SLC6A19: variants seen among roughly 807,000 people sequenced by gnomAD.
SLC6A19 encodes the protein solute carrier family 6 member 19, also known as sodium-dependent neutral amino acid transporter B(0)AT1.
Under a neutral mutation model 68.3 loss-of-function variants are expected in SLC6A19, and 67 were observed. That is an observed-to-expected ratio of 0.98 (90% CI 0.81 to 1.20). The LOEUF is 1.20. SLC6A19 is among the 50% of genes most tolerant of loss of function. The probability of loss-of-function intolerance (pLI) is 0.00; values close to 1 mark genes in which losing one functional copy is unlikely to be tolerated. For synonymous variants in SLC6A19, 392 were observed against 374.9 expected (o/e 1.05, Z -0.53); for missense variants, 813 against 851.6 (o/e 0.95, Z 0.56).
intron 1 of SLC6A19, among the ~76,000 whole-genome samples, chr5:1,204,106 G>A (rs1313028861): frequency 2.0e-5 from 3 of 152,222 alleles, no homozygotes; most frequent in Non-Finnish European, 2.9e-5. Context: ...TTTCCTAATT[G>A]ATGCGGGTCA....
intron 1 of SLC6A19, 139 bp downstream of exon 1, chr5:1,201,991 G>A: frequency 8.1e-7 from 1 of 1,227,902 alleles, no homozygotes; most frequent in Non-Finnish European, 1.1e-6. Context: ...AGGGTGTGGG[G>A]GGAGCTGGGG....
intron 1 of SLC6A19, among the ~76,000 whole-genome samples, chr5:1,202,389 C>T (rs1418758422): frequency 6.6e-6 from 1 of 152,160 alleles, no homozygotes; most frequent in Non-Finnish European, 1.5e-5. Context: ...AGCCGCTGTG[C>T]CCACCCAACA....
chr5:1,213,400 C>A (rs1409937951), intron 4 of SLC6A19, 63 bp from the exon 5 acceptor site: 1 of 733,498 alleles, frequency 1.4e-6, no homozygotes, highest in South Asian at 1.5e-5. Flanking sequence ...CCCCACGTGC[C>A]GCCCCCACCG....
intron 1 of SLC6A19, among the ~76,000 whole-genome samples, chr5:1,202,697 C>G (rs1745744626): frequency 6.6e-6 from 1 of 152,020 alleles, no homozygotes; most frequent in Admixed American, 6.5e-5. Flanking sequence ...CACGGGGGGG[C>G]CGTGAAGGTC....
At chr5:1,211,943 A>C (rs1746047034) in intron 3 of SLC6A19, among the ~76,000 whole-genome samples, 2 of 142,744 alleles carry the variant, frequency 1.4e-5, no homozygotes, top group Non-Finnish European at 3.0e-5. Flanking sequence ...ATGTGTGTGC[A>C]TGTGAGCATG....
rs775817680 is a variant in SLC6A19 at position 1,201,882 on chromosome 5, G to A, written c.202+30G>A. On this transcript the variant is annotated intron_variant, in intron 1 of 11. Coordinates refer to ENST00000304460, the MANE Select transcript of SLC6A19 (RefSeq NM_001003841.3). ...GCTGGCCGGGCGGGGCTGCGGGCGA[G>A]GCCGTGGCCAGGGAAGCACAGACAC... is the stretch of plus-strand genomic sequence containing the variant. 14 of 1,599,360 alleles carry A rather than the reference G, an allele frequency of 8.8e-6. 1 individual carries two copies. The East Asian group carries it at 3.1e-4, about 36-fold the overall frequency.
chr5:1,213,990 C>A lies in SLC6A19; in HGVS notation c.812C>A (p.Ala271Glu). The change falls in exon 6 of 12, where the codon GCG becomes GAG. Residue 271 changes from alanine (A) to glutamate (E), a missense_variant. By Grantham distance (107) the Ala-to-Glu change is moderately radical. Coordinates refer to ENST00000304460, the MANE Select transcript of SLC6A19 (RefSeq NM_001003841.3). Reference protein sequence around the residue: ...ELAQPDTWLDAGAQVFFSFSL... With the variant: ...ELAQPDTWLDEGAQVFFSFSL... ...GCCCAGCCGGACACCTGGCTGGACG[C>A]GGGCGCACAGGTCTTCTTCTCCTTC... 6.2e-7 allele frequency: 1 copy of A among 1,613,572 alleles called. No individual in the cohort carries two copies. Among genetic ancestry groups the A allele is most frequent in the African/African-American group, 1.3e-5 (1 of 75,054 alleles).
At chr5:1,210,024 C>T (rs1016782895) in intron 2 of SLC6A19, among the ~76,000 whole-genome samples, 4 of 152,232 alleles carry the variant, frequency 2.6e-5, no homozygotes, top group African/African-American at 9.6e-5. Flanking sequence ...GGGGGCTTCC[C>T]GGTTTGGGTC....
At chr5:1,207,624 C>A (rs891366987) in intron 1 of SLC6A19, among the ~76,000 whole-genome samples, 1 of 152,228 alleles carries the variant, frequency 6.6e-6, no homozygotes, top group African/African-American at 2.4e-5. Flanking sequence ...ATGGCAGGAG[C>A]CACTCGGCTT....
At chr5:1,221,673 C>T (rs1746384642) in intron 11 of SLC6A19, 28 bp from the exon 12 acceptor site, 1 of 1,613,292 alleles carries the variant, frequency 6.2e-7, no homozygotes, top group Non-Finnish European at 8.5e-7. Context: ...CCCGGGATGC[C>T]TACTCACCCA....
Position 1,208,857 on chromosome 5 carries a change from G to A in SLC6A19, c.314G>A (p.Ser105Asn). The stretch of plus-strand genomic sequence containing the variant: ...CGGCGGGGCAGCCTGGGTGTGTGGA[G>A]CTCCATCCACCCGGCCCTGAAGGGC... ...RLRRGSLGVW[S>N]SIHPALKGLG... is the part of the protein sequence containing the mutation. The change falls in exon 2 of 12, where the codon AGC becomes AAC. Residue 105 changes from serine to asparagine, a missense_variant. Ser to Asn is a conservative substitution (Grantham distance 46). Transcript: ENST00000304460. 6.2e-7 allele frequency: 1 copy of A among 1,612,676 alleles called. No homozygotes were observed. The highest frequency in any genetic ancestry group is 8.5e-7 in the Non-Finnish European group (1 of 1,179,934).
In SLC6A19 at chr5:1,212,589, C is replaced by A. The variant is rs952528065; in HGVS notation, c.663+105C>A. 1 of 1,427,096 alleles carries A rather than the reference C, an allele frequency of 7.0e-7. No individual in the cohort carries two copies. Among genetic ancestry groups the A allele is most frequent in the Non-Finnish European group, 9.6e-7 (1 of 1,036,946 alleles). 88.4% of individuals were successfully genotyped at this position (1,427,096 alleles called of 1,614,324 possible). A position where few individuals can be genotyped will look rare whatever the true frequency, so the allele number is the denominator to read the frequency against. ...AAAACCCAGGTCTGGGGGTCCCGGG[C>A]TCTGCCTTTCCCCAGACCCCACCAA... On this transcript the variant is annotated intron_variant, in intron 4 of 11. Coordinates refer to ENST00000304460, the MANE Select transcript of SLC6A19 (RefSeq NM_001003841.3). The surrounding 1 kb of genome is among the most constrained non-coding windows in gnomAD (Gnocchi z 5.1).
chr5:1,218,846 G>C, intron 8 of SLC6A19, 57 bp from the exon 9 acceptor site: 1 of 1,585,286 alleles, frequency 6.3e-7, no homozygotes, highest in Admixed American at 1.7e-5. Flanking sequence ...CTCGGGCGGG[G>C]AGGAGACGGA....
At position 1,224,203 on chromosome 5, in the gene SLC6A19, T is replaced by C. The variant is rs1030451425; in HGVS notation, c.*2299T>C. On this transcript the variant is annotated 3_prime_UTR_variant, in exon 12 of 12. Coordinates refer to ENST00000304460, the MANE Select transcript of SLC6A19 (RefSeq NM_001003841.3). Reference sequence around the variant, plus strand: ...AGGTGTGCACTGATGTGCCCTGGCATCCATTGGTGTACCCTGGTGTGCCTG... The same window carrying C: ...AGGTGTGCACTGATGTGCCCTGGCACCCATTGGTGTACCCTGGTGTGCCTG... 1 of 152,240 alleles carries C rather than the reference T, an allele frequency of 6.6e-6. No individual in the cohort carries two copies. The highest frequency in any genetic ancestry group is 6.5e-5 in the Admixed American group (1 of 15,290). 9.4% of individuals were successfully genotyped at this position (152,240 alleles called of 1,614,324 possible).
At chr5:1,218,573 G>T (rs1746269674) in intron 8 of SLC6A19, among the ~76,000 whole-genome samples, 1 of 152,206 alleles carries the variant, frequency 6.6e-6, no homozygotes, top group African/African-American at 2.4e-5. Context: ...GGTGACTCGC[G>T]TAACACCTTG....
At chr5:1,207,140 T>G (rs1745877623) in intron 1 of SLC6A19, among the ~76,000 whole-genome samples, 1 of 152,216 alleles carries the variant, frequency 6.6e-6, no homozygotes, top group Non-Finnish European at 1.5e-5. Flanking sequence ...TGCACTCACC[T>G]CTGCTGTTCC....
chr5:1,206,476 A>T (rs963054754), intron 1 of SLC6A19, among the ~76,000 whole-genome samples: 6 of 150,428 alleles, frequency 4.0e-5, no homozygotes, highest in African/African-American at 1.5e-4. Flanking sequence ...TCCCCTGAGG[A>T]TGGTAGTTTG....
chr5:1,211,808 T>G (rs1054517715), intron 3 of SLC6A19, among the ~76,000 whole-genome samples: 1 of 150,582 alleles, frequency 6.6e-6, no homozygotes, highest in Non-Finnish European at 1.5e-5. Flanking sequence ...CCTGTGTGCA[T>G]GTGTGTACTG....
At chr5:1,217,293 A>G (rs1015606596) in intron 8 of SLC6A19, among the ~76,000 whole-genome samples, 1 of 152,256 alleles carries the variant, frequency 6.6e-6, no homozygotes, top group African/African-American at 2.4e-5. Context: ...CGACATTGAA[A>G]GAGTTTTTGT....
Sources: allele counts gnomAD v4.1 joint callset (sites outside exome capture counted in the v4.1 genomes callset), GRCh38; gene constraint gnomAD v4.1.1; non-coding constraint Gnocchi (gnomAD v3.1); transcripts MANE v1.5; gene names NCBI Gene and HGNC (gene_info 2026-07-23, HGNC 2026-07-21).